Variants in VWA7 observed in about 807,000 individuals in gnomAD.
VWA7 encodes the protein von Willebrand factor A domain containing 7.
In VWA7, 66 loss-of-function variants were observed where a neutral mutation model predicts 83.1. The ratio of observed to expected loss-of-function variants is 0.79; its 90% CI spans 0.65 to 0.98. The LOEUF (loss-of-function observed/expected upper bound fraction) is 0.98, where lower values mean the gene tolerates loss of function less well. Ranked by LOEUF, VWA7 falls within the 50% of genes least tolerant of loss-of-function variation. The pLI is 0.00. For missense variants in VWA7, 1,080 were observed against 1,160.2 expected (o/e 0.93, Z 1.00); for synonymous variants, 424 against 488.5 (o/e 0.87, Z 1.74).
In VWA7 at chr6:31,777,252, C is replaced by T. The variant is rs1036811768; in HGVS notation, c.-159G>A. ...GAGGACAGGCAACCCCTGGCCCTTT[C>T]GCTCCTGCCTGCCCAAAGCCACAGG... On this transcript the variant is annotated 5_prime_UTR_variant, in exon 1 of 17. Coordinates refer to ENST00000375688, the MANE Select transcript of VWA7 (RefSeq NM_025258.3). The surrounding 1 kb of genome is among the most constrained non-coding windows in gnomAD (Gnocchi z 5.8). 3.0e-5 allele frequency: 14 copies of T among 466,628 alleles called. No homozygotes were observed. The highest frequency in any genetic ancestry group is 3.1e-5 in the Non-Finnish European group (8 of 259,410). 28.9% of individuals were successfully genotyped at this position (466,628 alleles called of 1,614,324 possible). A position where few individuals can be genotyped will look rare whatever the true frequency, so the allele number is the denominator to read the frequency against.
At chr6:31,768,934 AGT>A in intron 10 of VWA7, 82 bp downstream of exon 10, 1 of 1,387,766 alleles carries the variant, frequency 7.2e-7, no homozygotes, top group Non-Finnish European at 9.6e-7. Context: ...CAGCAGTGAG[AGT>A]GATTCCCCTT....
At position 31,766,313 on chromosome 6, in the gene VWA7, CGA is replaced by C. The variant is rs1291419582; in HGVS notation, c.2254_2255del (p.Ser752GlyfsTer6). On this transcript the variant is annotated frameshift_variant, in exon 15 of 17. Transcript: ENST00000375688. LOFTEE classifies it high-confidence loss of function. This position sits in a 1 kb window ranked among gnomAD's most constrained non-coding sequence, Gnocchi z 4.9. ...TCCTAAGGTCAAGATCCTGAGGGCC[CGA>C]GAAGCTGGCGATGCGGAGACTGAGC... ...VPLSLRIASF[S>X]GPQDLDLRTF... 4.3e-6 allele frequency: 7 copies of C among 1,611,618 alleles called. No homozygotes were observed. The highest frequency in any genetic ancestry group is 5.9e-6 in the Non-Finnish European group (7 of 1,179,658).
At chr6:31,770,450 C>T (rs921176007) in intron 7 of VWA7, among the ~76,000 whole-genome samples, 4 of 150,580 alleles carry the variant, frequency 2.7e-5, no homozygotes, top group African/African-American at 9.8e-5. Context: ...CAGAGGCTCC[C>T]CAGTAGCCTC....
Position 31,776,664 on chromosome 6 carries a change from G to T in VWA7, c.116C>A (p.Ala39Asp). Reference protein sequence around the residue: ...FFPNIWSLLAAPGSITHQDLT... With the variant: ...FFPNIWSLLADPGSITHQDLT... ...GTCTTGGTGGGTGATGGAGCCAGGG[G>T]CAGCCAGCAGGCTCCAGATGTTGGG... Residue 39 changes from alanine to aspartate, a missense_variant, in exon 2 of 17, where the codon GCC becomes GAC. Transcript: ENST00000375688. This position sits in a 1 kb window ranked among gnomAD's most constrained non-coding sequence, Gnocchi z 6.2. 1 of 1,542,884 alleles carries T rather than the reference G, an allele frequency of 6.5e-7. No homozygotes were observed. Among genetic ancestry groups the T allele is most frequent in the Non-Finnish European group, 8.8e-7 (1 of 1,142,710 alleles).
Position 31,765,681 on chromosome 6 carries a change from G to A in VWA7, c.2589C>T (p.Gly863=). ...AFSPFTLVTQ[G]RAGAGLAAGS... is the part of the protein sequence containing the mutation. ...CCGCAGCCAGCCCTGCCCCAGCCCT[G>A]CCTTGAGTCACCAATGTGAAGGGGG... is the stretch of plus-strand genomic sequence containing the variant. The change falls in exon 17 of 17, where the codon GGC becomes GGT. Residue 863 remains glycine (G), a synonymous_variant. Coordinates refer to ENST00000375688, the MANE Select transcript of VWA7 (RefSeq NM_025258.3). The A allele has an allele frequency of 6.2e-7, 1 of 1,603,188 alleles. No homozygotes were observed. The highest frequency in any genetic ancestry group is 1.7e-5 in the Admixed American group (1 of 58,352).
At position 31,776,057 on chromosome 6, in the gene VWA7, C is replaced by G; in HGVS notation, c.420G>C (p.Leu140=). The G allele has an allele frequency of 6.2e-7, 1 of 1,613,812 alleles. No individual in the cohort carries two copies. The highest frequency in any genetic ancestry group is 8.5e-7 in the Non-Finnish European group (1 of 1,180,022). ...CCACGGTCTCCCGCAGAGCCCCTAC[C>G]AGGCGCGCGCGTCCCTGACCCAGTC... ...AERLGQGRAR[L]VGALRETVVA... Residue 140 remains leucine (L), a synonymous_variant, in exon 3 of 17, where the codon CTG becomes CTC. Transcript: ENST00000375688. This position sits in a 1 kb window ranked among gnomAD's most constrained non-coding sequence, Gnocchi z 6.2.
At position 31,775,587 on chromosome 6, in the gene VWA7, T is replaced by C. The variant is rs1298111067; in HGVS notation, c.514-158A>G. On this transcript the variant is annotated intron_variant, in intron 3 of 16. Transcript: ENST00000375688. The surrounding 1 kb of genome is among the most constrained non-coding windows in gnomAD (Gnocchi z 5.9). Reference sequence around the variant, plus strand: ...ACCCCAAGTCCCCTCCACTGCCCTCTCTCCATTGCTCAGAGCAGAGCTTTG... The same window carrying C: ...ACCCCAAGTCCCCTCCACTGCCCTCCCTCCATTGCTCAGAGCAGAGCTTTG... 5.5e-5 allele frequency among the ~76,000 whole-genome samples: 8 copies of C among 144,706 alleles called. No homozygotes were observed. The highest frequency in any genetic ancestry group is 2.1e-4 in the African/African-American group (8 of 38,934). 94.9% of individuals were successfully genotyped at this position (144,706 alleles called of 152,430 possible).
In VWA7 at chr6:31,775,933, C is replaced by A; in HGVS notation, c.513+31G>T. ...CCGGACAGGCACGGAAGTGAAGACC[C>A]CTCTGACCATCAACCCAACCCTGTT... On this transcript the variant is annotated intron_variant, in intron 3 of 16. Coordinates refer to ENST00000375688, the MANE Select transcript of VWA7 (RefSeq NM_025258.3). This position sits in a 1 kb window ranked among gnomAD's most constrained non-coding sequence, Gnocchi z 5.9. The A allele has an allele frequency of 6.3e-7, 1 of 1,584,070 alleles. No homozygotes were observed. Among genetic ancestry groups the A allele is most frequent in the Non-Finnish European group, 8.6e-7 (1 of 1,164,038 alleles).
chr6:31,767,517 G>A lies in VWA7; in HGVS notation c.1637-3C>T. The A allele has an allele frequency of 1.2e-6, 2 of 1,607,654 alleles. No individual in the cohort carries two copies. Among genetic ancestry groups the A allele is most frequent in the South Asian group, 2.2e-5 (2 of 90,988 alleles). On this transcript the variant is annotated splice_polypyrimidine_tract_variant and splice_region_variant and intron_variant, in intron 11 of 16. Coordinates refer to ENST00000375688, the MANE Select transcript of VWA7 (RefSeq NM_025258.3). Reference sequence around the variant, plus strand: ...TTCCTCCTGGCCCTGGGAGACCCCTGGGGTCAGGGAAGAGATTGTCACATG... The same window carrying A: ...TTCCTCCTGGCCCTGGGAGACCCCTAGGGTCAGGGAAGAGATTGTCACATG...
At position 31,765,873 on chromosome 6, in the gene VWA7, G is replaced by C; in HGVS notation, c.2499+10C>G. On this transcript the variant is annotated intron_variant, in intron 16 of 16. Coordinates refer to ENST00000375688, the MANE Select transcript of VWA7 (RefSeq NM_025258.3). ...TGCCCACCCTGTGATGGAAAGTAGT[G>C]GTTCCTCACCTGCGGGGCTGGGGCC... The C allele has an allele frequency of 6.2e-7, 1 of 1,612,676 alleles. No homozygotes were observed. The highest frequency in any genetic ancestry group is 8.5e-7 in the Non-Finnish European group (1 of 1,179,760).
In VWA7 at chr6:31,766,048, C is replaced by T; in HGVS notation, c.2334G>A (p.Leu778=). ...SLTSNLSRAH[L]ELNESAWGRL... is the part of the protein sequence containing the mutation. Reference sequence around the variant, plus strand: ...GGCCCCAGGCCGACTCATTCAGTTCCAGGTGAGCCCTGGAGAGAGGATATA... The same window carrying T: ...GGCCCCAGGCCGACTCATTCAGTTCTAGGTGAGCCCTGGAGAGAGGATATA... The change falls in exon 16 of 17, where the codon CTG becomes CTA. Residue 778 remains leucine, a synonymous_variant. Coordinates refer to ENST00000375688, the MANE Select transcript of VWA7 (RefSeq NM_025258.3). This position sits in a 1 kb window ranked among gnomAD's most constrained non-coding sequence, Gnocchi z 4.9. The T allele has an allele frequency of 1.2e-6, 2 of 1,613,032 alleles. No homozygotes were observed. The highest frequency in any genetic ancestry group is 2.7e-5 in the African/African-American group (2 of 75,060).
chr6:31,765,603 G>A lies in VWA7; in HGVS notation c.2667C>T (p.Ala889=), dbSNP rs751499875. Residue 889 remains alanine, a synonymous_variant, in exon 17 of 17, where the codon GCC becomes GCT. Coordinates refer to ENST00000375688, the MANE Select transcript of VWA7 (RefSeq NM_025258.3). ...VGGVLLLLGL[A]SW is the part of the protein sequence containing the mutation. Reference sequence around the variant, plus strand: ...TTTAGAGCCCGTTGTGTCACCAGGAGGCCAGGCCTAGCAGAAGCAGCACCC... The same window carrying A: ...TTTAGAGCCCGTTGTGTCACCAGGAAGCCAGGCCTAGCAGAAGCAGCACCC... The A allele has an allele frequency of 9.3e-6, 15 of 1,610,734 alleles. No individual in the cohort carries two copies. Among genetic ancestry groups the A allele is most frequent in the Non-Finnish European group, 1.3e-5 (15 of 1,179,430 alleles).
chr6:31,766,314 G>A lies in VWA7; in HGVS notation c.2255C>T (p.Ser752Leu). The stretch of plus-strand genomic sequence containing the variant: ...CCTAAGGTCAAGATCCTGAGGGCCC[G>A]AGAAGCTGGCGATGCGGAGACTGAG... ...VPLSLRIASF[S>L]GPQDLDLRTF... The change falls in exon 15 of 17, where the codon TCG (serine) becomes TTG (leucine). Residue 752 changes from serine (S) to leucine (L), a missense_variant. Ser to Leu is a moderately radical substitution (Grantham distance 145). Transcript: ENST00000375688. The surrounding 1 kb of genome is among the most constrained non-coding windows in gnomAD (Gnocchi z 4.9). The A allele has an allele frequency of 1.2e-6, 2 of 1,611,778 alleles. No homozygotes were observed. Among genetic ancestry groups the A allele is most frequent in the Non-Finnish European group, 8.5e-7 (1 of 1,179,616 alleles).
intron 7 of VWA7, among the ~76,000 whole-genome samples, chr6:31,770,417 CGTAGCCTCCCCA>C (rs1277632221): frequency 4.0e-5 from 6 of 150,626 alleles, no homozygotes; most frequent in African/African-American, 9.8e-5. Flanking sequence ...GATGCATGCC[CGTAGCCTCCCCA>C]GTAGCCTCCC....
At chr6:31,765,832 C>T in intron 16 of VWA7, 51 bp downstream of exon 16, 1 of 1,603,726 alleles carries the variant, frequency 6.2e-7, no homozygotes, top group Non-Finnish European at 8.5e-7. Flanking sequence ...TAAACCTACA[C>T]CACCCTCCCC....
chr6:31,771,771 T>C (rs1385369261), intron 7 of VWA7: 8 of 151,946 alleles, frequency 5.3e-5, no homozygotes, highest in Non-Finnish European at 1.2e-4. Flanking sequence ...GGCGGGCGGA[T>C]CACGAGGTCA....
rs1174384380 is a variant in VWA7, at chr6:31,766,492, G to T, written c.2155C>A (p.Pro719Thr). The change falls in exon 14 of 17, where the codon CCT becomes ACT. Residue 719 changes from proline to threonine, a missense_variant. Transcript: ENST00000375688. The surrounding 1 kb of genome is among the most constrained non-coding windows in gnomAD (Gnocchi z 4.9). The stretch of plus-strand genomic sequence containing the variant: ...AGAAGGACAGGGACTACAGTGCTAG[G>T]CTGAGGGGCAGCCCTGTGCAGGCGC... ...GRRLHRAAPQ[P>T]STVVPVLLEL... 1 of 1,603,524 alleles carries T rather than the reference G, an allele frequency of 6.2e-7. No individual in the cohort carries two copies. Among genetic ancestry groups the T allele is most frequent in the Non-Finnish European group, 8.5e-7 (1 of 1,174,440 alleles).
rs779737114 is a variant in VWA7, at chr6:31,773,335, AT to A, written c.823del (p.Met275CysfsTer12). ...CAGTTTTGCAGCCTGGAGGTGCAGC[AT>A]GTGGTGAGGGGAGAAGCCTGGGGAT... is the stretch of plus-strand genomic sequence containing the variant. ...STSPGFSPHH[M>X]LHLQAAKLAL... On this transcript the variant is annotated frameshift_variant, in exon 6 of 17. Coordinates refer to ENST00000375688, the MANE Select transcript of VWA7 (RefSeq NM_025258.3). LOFTEE classifies it high-confidence loss of function. The surrounding 1 kb of genome is among the most constrained non-coding windows in gnomAD (Gnocchi z 5.3). The A allele has an allele frequency of 2.5e-6, 4 of 1,608,858 alleles. No homozygotes were observed.
chr6:31,769,882 C>A lies in VWA7; in HGVS notation c.1201-91G>T, dbSNP rs577744810. ...GGATGAAGCAGAAGGGAATATGGCC[C>A]GGGAACCCTACAGTGAAGCTAGTGG... On this transcript the variant is annotated intron_variant, in intron 8 of 16. Transcript: ENST00000375688. This position sits in a 1 kb window ranked among gnomAD's most constrained non-coding sequence, Gnocchi z 4.5. 2 of 1,490,902 alleles carry A rather than the reference C, an allele frequency of 1.3e-6. No homozygotes were observed. Among genetic ancestry groups the A allele is most frequent in the African/African-American group, 1.4e-5 (1 of 72,300 alleles). 92.4% of individuals were successfully genotyped at this position (1,490,902 alleles called of 1,614,324 possible).
Sources: allele counts gnomAD v4.1 joint callset (sites outside exome capture counted in the v4.1 genomes callset), GRCh38; gene constraint gnomAD v4.1.1; non-coding constraint Gnocchi (gnomAD v3.1); transcripts MANE v1.5; gene names NCBI Gene and HGNC (gene_info 2026-07-23, HGNC 2026-07-21).